Variants in CSMD1 observed in about 807,000 individuals in gnomAD.
The protein encoded by CSMD1 is CUB and Sushi multiple domains 1, also known as CUB and sushi domain-containing protein 1.
A neutral mutation model predicts 417.5 loss-of-function variants in CSMD1; 213 were observed. The ratio of observed to expected loss-of-function variants is 0.51; its 90% CI spans 0.46 to 0.57. CSMD1 has a LOEUF of 0.57. CSMD1 is among the 20% of genes least tolerant of loss of function. CSMD1 has a pLI of 0.00. For synonymous variants in CSMD1, 2,862 were observed against 1,736.8 expected, an observed-to-expected ratio of 1.65 and a Z score of -16.11; for missense variants, 6,923 against 4,529.7, an observed-to-expected ratio of 1.53 and a Z score of -15.17.
At chr8:4,578,023 C>T (rs922741643) in intron 2 of CSMD1, among the ~76,000 whole-genome samples, 4 of 152,124 alleles carry the variant, frequency 2.6e-5, no homozygotes, top group African/African-American at 4.8e-5. Context: ...ACCCAGGGCT[C>T]GGCTTTAGGA....
chr8:4,878,514 T>A (rs1803191617), intron 1 of CSMD1, among the ~76,000 whole-genome samples: 1 of 151,888 alleles, frequency 6.6e-6, no homozygotes, highest in Admixed American at 6.6e-5. Context: ...TGATGATTTT[T>A]ATTATTATTC....
At chr8:3,337,996 A>G (rs941692391) in intron 23 of CSMD1, among the ~76,000 whole-genome samples, 9 of 152,248 alleles carry the variant, frequency 5.9e-5, no homozygotes, top group Admixed American at 3.9e-4. Context: ...ACACTTCTCT[A>G]GCTTCCTACT....
intron 1 of CSMD1, among the ~76,000 whole-genome samples, chr8:4,781,190 G>C (rs577403356): frequency 1.3e-5 from 2 of 152,108 alleles, no homozygotes; most frequent in African/African-American, 4.8e-5. Context: ...ATACATCTCC[G>C]CAAGAAAGGA....
At chr8:4,545,239 G>C (rs1399687064) in intron 2 of CSMD1, among the ~76,000 whole-genome samples, 1 of 152,188 alleles carries the variant, frequency 6.6e-6, no homozygotes, top group African/African-American at 2.4e-5. Context: ...GGGAGGTGCA[G>C]TAATGTATAG....
chr8:3,909,540 G>A (rs1483183907), intron 5 of CSMD1, among the ~76,000 whole-genome samples: 1 of 152,114 alleles, frequency 6.6e-6, no homozygotes, highest in African/African-American at 2.4e-5. Flanking sequence ...GCTCTCCCCA[G>A]GTATTTCAAC....
intron 2 of CSMD1, among the ~76,000 whole-genome samples, chr8:4,606,100 A>G (rs1800853687): frequency 6.6e-6 from 1 of 152,158 alleles, no homozygotes; most frequent in Non-Finnish European, 1.5e-5. Context: ...CACGTTCAAA[A>G]TTGATCGAGC....
At chr8:4,738,679 A>T (rs552614996) in intron 1 of CSMD1, among the ~76,000 whole-genome samples, 1 of 152,170 alleles carries the variant, frequency 6.6e-6, no homozygotes, top group East Asian at 1.9e-4. Context: ...AAGTAAAAAA[A>T]ATCAGTATAT....
At chr8:4,859,981 T>C (rs1415136324) in intron 1 of CSMD1, among the ~76,000 whole-genome samples, 3 of 152,096 alleles carry the variant, frequency 2.0e-5, no homozygotes, top group Admixed American at 1.3e-4. Context: ...TGCCGCGTTA[T>C]TCACGATAGC....
At chr8:4,313,985 G>T (rs879075415) in intron 3 of CSMD1, among the ~76,000 whole-genome samples, 1 of 151,602 alleles carries the variant, frequency 6.6e-6, no homozygotes, top group African/African-American at 2.4e-5. Flanking sequence ...CTGCACTCCA[G>T]CCTGGGCAAC....
At chr8:4,907,870 G>A (rs1443674576) in intron 1 of CSMD1, among the ~76,000 whole-genome samples, 3 of 151,874 alleles carry the variant, frequency 2.0e-5, no homozygotes, top group Non-Finnish European at 1.5e-5. Flanking sequence ...TTTGGCCATT[G>A]TTTATTAATT....
Position 4,039,010 on chromosome 8 carries a change from G to A in CSMD1, c.416-6911C>T, listed in dbSNP as rs10111788. On this transcript the variant is annotated intron_variant, in intron 3 of 69. Transcript: ENST00000635120. ...CAGCTGTTTCAATGGTTAAGTGGAT[G>A]TCATATTAAGTATCTTTCCAAAAGA... 1.5e-3 allele frequency among the ~76,000 whole-genome samples: 224 copies of A among 152,104 alleles called. 1 individual carries two copies. The highest frequency in any genetic ancestry group is 5.2e-3 in the African/African-American group (217 of 41,472).
At chr8:4,473,951 T>C (rs1248378554) in intron 2 of CSMD1, among the ~76,000 whole-genome samples, 1 of 152,078 alleles carries the variant, frequency 6.6e-6, no homozygotes, top group Non-Finnish European at 1.5e-5. Context: ...GGTTTTCTAC[T>C]GGGGGGAGGA....
intron 3 of CSMD1, among the ~76,000 whole-genome samples, chr8:4,138,491 C>A (rs1803575969): frequency 1.3e-5 from 2 of 151,962 alleles, no homozygotes; most frequent in African/African-American, 4.8e-5. Flanking sequence ...TCATTCCATC[C>A]ACTAAAAATG....
At chr8:4,894,364 C>G (rs1007467201) in intron 1 of CSMD1, among the ~76,000 whole-genome samples, 5 of 151,780 alleles carry the variant, frequency 3.3e-5, no homozygotes, top group Admixed American at 2.0e-4. Context: ...CTTAAAAACA[C>G]TTAGATAATT....
chr8:4,756,440 C>T lies in CSMD1; in HGVS notation c.86-118882G>A, dbSNP rs141979529. Among the ~76,000 whole-genome samples, 471 of 152,096 alleles carry T rather than the reference C, an allele frequency of 3.1e-3. 3 individuals carry two copies. The highest frequency in any genetic ancestry group is 0.011 in the African/African-American group (454 of 41,476). On this transcript the variant is annotated intron_variant, in intron 1 of 69. Coordinates refer to ENST00000635120, the MANE Select transcript of CSMD1 (RefSeq NM_033225.6). ...TGAGTTCATCATGACAGTCCAGTTT[C>T]CTAAACGCTAAAAGTTAATTTGGGG...
At chr8:4,357,570 C>G (rs967247226) in intron 3 of CSMD1, among the ~76,000 whole-genome samples, 1 of 152,132 alleles carries the variant, frequency 6.6e-6, no homozygotes, top group African/African-American at 2.4e-5. Context: ...ATCTGTCATT[C>G]TCCATGGTCT....
At chr8:4,322,766 A>AG (rs1799341619) in intron 3 of CSMD1, among the ~76,000 whole-genome samples, 1 of 152,194 alleles carries the variant, frequency 6.6e-6, no homozygotes, top group Non-Finnish European at 1.5e-5. Flanking sequence ...AGGCAGAGGT[A>AG]GGCGGATCAC....
chr8:4,033,063 G>C (rs946902178), intron 3 of CSMD1, among the ~76,000 whole-genome samples: 3 of 133,712 alleles, frequency 2.2e-5, no homozygotes, highest in Non-Finnish European at 3.1e-5. Flanking sequence ...TTCTAACCCA[G>C]ACATTCCTCT....
chr8:4,626,699 G>A (rs1456744703), intron 2 of CSMD1, among the ~76,000 whole-genome samples: 1 of 152,026 alleles, frequency 6.6e-6, no homozygotes, highest in East Asian at 1.9e-4. Flanking sequence ...TTGCAAAGAC[G>A]TCTCCCCATC....
Sources: gnomAD v4.1 joint callset for allele counts (sites outside exome capture counted in the v4.1 genomes callset) on GRCh38, gnomAD v4.1.1 for gene constraint, MANE v1.5 for transcripts, NCBI Gene and HGNC (gene_info 2026-07-23, HGNC 2026-07-21) for gene names.